CTNND2: variants seen among roughly 807,000 people sequenced by gnomAD.
CTNND2 encodes catenin delta 2.
In CTNND2, 22 loss-of-function variants were observed where a neutral mutation model predicts 144.4. That is an observed-to-expected ratio of 0.15 (90% CI 0.11 to 0.22). CTNND2 has a LOEUF of 0.22. CTNND2 is among the 10% of genes least tolerant of loss of function. CTNND2 has a pLI of 1.00. For missense variants in CTNND2, 1,353 were observed against 1,618.8 expected (o/e 0.84, Z 2.82); for synonymous variants, 751 against 695.6 (o/e 1.08, Z -1.25).
intron 11 of CTNND2, among the ~76,000 whole-genome samples, chr5:11,188,326 CACT>C (rs1196873259): frequency 1.3e-5 from 2 of 152,108 alleles, no homozygotes; most frequent in Non-Finnish European, 2.9e-5. Flanking sequence ...AGCTGGAAGC[CACT>C]ATCCTCAGCA....
At chr5:11,231,225 T>A (rs1740976187) in intron 10 of CTNND2, among the ~76,000 whole-genome samples, 1 of 152,166 alleles carries the variant, frequency 6.6e-6, no homozygotes, top group Non-Finnish European at 1.5e-5. Flanking sequence ...AACCTCTTTT[T>A]TTAATAAATA....
intron 8 of CTNND2, among the ~76,000 whole-genome samples, chr5:11,347,549 C>A (rs1754922621): frequency 6.6e-6 from 1 of 152,144 alleles, no homozygotes; most frequent in Admixed American, 6.5e-5. Context: ...TTGATAGATA[C>A]AATGAAAATA....
chr5:11,780,841 C>G lies in CTNND2; in HGVS notation c.38-48569G>C, dbSNP rs140471302. 1.8e-3 allele frequency among the ~76,000 whole-genome samples: 269 copies of G among 152,216 alleles called. 1 individual carries two copies. The highest frequency in any genetic ancestry group is 6.0e-3 in the African/African-American group (249 of 41,528). On this transcript the variant is annotated intron_variant, in intron 1 of 21. Transcript: ENST00000304623. ...AGGCCAGCCAGCCCTGGGGGAAATCCTGAGCAGTGACACAACAGATGACCC... is the reference window on the plus strand; with the variant it reads ...AGGCCAGCCAGCCCTGGGGGAAATCGTGAGCAGTGACACAACAGATGACCC...
At chr5:11,379,446 C>T (rs1485964669) in intron 7 of CTNND2, among the ~76,000 whole-genome samples, 1 of 152,112 alleles carries the variant, frequency 6.6e-6, no homozygotes, top group Admixed American at 6.6e-5. Context: ...AGGAGGTTAT[C>T]ATCCATAAGC....
At chr5:11,769,409 G>A (rs1249013174) in intron 1 of CTNND2, among the ~76,000 whole-genome samples, 2 of 152,120 alleles carry the variant, frequency 1.3e-5, no homozygotes, top group African/African-American at 4.8e-5. Flanking sequence ...ATTTGTAATT[G>A]CAAAAACTAA....
At chr5:11,642,852 G>C (rs1480738383) in intron 2 of CTNND2, among the ~76,000 whole-genome samples, 1 of 152,154 alleles carries the variant, frequency 6.6e-6, no homozygotes, top group Non-Finnish European at 1.5e-5. Flanking sequence ...TAATTGCCGT[G>C]GTTACTGTGA....
intron 1 of CTNND2, among the ~76,000 whole-genome samples, chr5:11,754,044 G>C (rs371287396): frequency 2.6e-5 from 4 of 151,248 alleles, no homozygotes; most frequent in African/African-American, 9.7e-5. Context: ...ATTTCCAATT[G>C]TGTTTATTGG....
At chr5:11,779,862 T>A (rs1790450529) in intron 1 of CTNND2, among the ~76,000 whole-genome samples, 1 of 152,154 alleles carries the variant, frequency 6.6e-6, no homozygotes, top group Non-Finnish European at 1.5e-5. Flanking sequence ...TTGTCCATTG[T>A]AAGAGTCCAT....
intron 2 of CTNND2, among the ~76,000 whole-genome samples, chr5:11,590,562 T>A (rs1275671369): frequency 6.6e-6 from 1 of 152,098 alleles, no homozygotes; most frequent in African/African-American, 2.4e-5. Context: ...TCCTTGTGAA[T>A]GTACTTTGTA....
intron 3 of CTNND2, among the ~76,000 whole-genome samples, chr5:11,558,411 G>A (rs1432975388): frequency 6.6e-6 from 1 of 150,862 alleles, no homozygotes. Flanking sequence ...TGTTGCCCAG[G>A]CTGGAGTGCA....
chr5:11,262,426 C>T lies in CTNND2; in HGVS notation c.1629-25603G>A, dbSNP rs1744956950. On this transcript the variant is annotated intron_variant, in intron 9 of 21. Coordinates refer to ENST00000304623, the MANE Select transcript of CTNND2 (RefSeq NM_001332.4). Reference sequence around the variant, plus strand: ...ATACTATTTTCTAGACTGGATGTTGCCCAGTTCATGAATCATTAATAAAAG... The same window carrying T: ...ATACTATTTTCTAGACTGGATGTTGTCCAGTTCATGAATCATTAATAAAAG... Among the ~76,000 whole-genome samples the T allele has an allele frequency of 2.0e-5, 3 of 152,080 alleles. No homozygotes were observed. In the South Asian group the frequency reaches 6.2e-4, roughly 32 times the overall value.
At chr5:11,427,760 C>T (rs965868668) in intron 3 of CTNND2, among the ~76,000 whole-genome samples, 1 of 152,134 alleles carries the variant, frequency 6.6e-6, no homozygotes, top group African/African-American at 2.4e-5. Flanking sequence ...CTTCATTCCA[C>T]CCCACTGCCC....
At chr5:11,083,048 T>C (rs1254246014) in intron 15 of CTNND2, among the ~76,000 whole-genome samples, 3 of 152,230 alleles carry the variant, frequency 2.0e-5, no homozygotes, top group African/African-American at 7.2e-5. Context: ...GGGACAAAGA[T>C]TTCAGGGTTA....
intron 14 of CTNND2, among the ~76,000 whole-genome samples, chr5:11,108,208 A>G (rs1489229291): frequency 6.6e-6 from 1 of 152,230 alleles, no homozygotes; most frequent in Non-Finnish European, 1.5e-5. Flanking sequence ...AGGGCCAGGC[A>G]GTGGAACAGC....
Position 11,384,257 on chromosome 5 carries a change from A to G in CTNND2, c.1177+408T>C, listed in dbSNP as rs968019394. ...GAGAAAATCCCTTACTTTTTCCACA[A>G]TGAAATGTAGACAACTAAAGGTGAC... On this transcript the variant is annotated intron_variant, in intron 7 of 21. Coordinates refer to ENST00000304623, the MANE Select transcript of CTNND2 (RefSeq NM_001332.4). This position sits in a 1 kb window ranked among gnomAD's most constrained non-coding sequence, Gnocchi z 5.2. Among the ~76,000 whole-genome samples, 15 of 152,214 alleles carry G rather than the reference A, an allele frequency of 9.9e-5. No individual in the cohort carries two copies. The highest frequency in any genetic ancestry group is 8.5e-4 in the Admixed American group (13 of 15,284).
rs564920291 is a variant in CTNND2, at chr5:11,814,794, A to G, written c.38-82522T>C. Among the ~76,000 whole-genome samples the G allele has an allele frequency of 2.0e-5, 3 of 152,354 alleles. 1 individual carries two copies. The South Asian group carries it at 6.2e-4, about 32-fold the overall frequency. Reference sequence around the variant, plus strand: ...ATAAAATAAAACATCAAATGAAAGGATAGCAGAATAGCAACATATTTCTGG... The same window carrying G: ...ATAAAATAAAACATCAAATGAAAGGGTAGCAGAATAGCAACATATTTCTGG... On this transcript the variant is annotated intron_variant, in intron 1 of 21. Transcript: ENST00000304623.
chr5:11,643,786 G>A (rs1782197563), intron 2 of CTNND2, among the ~76,000 whole-genome samples: 1 of 151,808 alleles, frequency 6.6e-6, no homozygotes, highest in South Asian at 2.1e-4. Flanking sequence ...ATGCACTAAT[G>A]TAATTAAAAA....
rs143679932 is a variant in CTNND2, at chr5:11,117,556, G to A, written c.2171C>T (p.Ser724Leu). 2 of 1,613,886 alleles carry A rather than the reference G, an allele frequency of 1.2e-6. No individual in the cohort carries two copies. The highest frequency in any genetic ancestry group is 1.7e-6 in the Non-Finnish European group (2 of 1,179,788). ...NATGCLRNVS[S>L]AGEEARRRMR... ...CCTTCTGCGGGCCTCCTCTCCGGCC[G>A]AACTAACATTCCTGCAAAGCAAAAG... Residue 724 changes from serine (S) to leucine (L), a missense_variant, in exon 13 of 22, where the codon TCG (serine) becomes TTG (leucine). By Grantham distance (145) the Ser-to-Leu change is moderately radical. Around this residue, in one of 4 missense-constraint regions of CTNND2, gnomAD observed 459 missense variants for 674.3 expected, o/e 0.68. Transcript: ENST00000304623.
At chr5:11,687,167 A>C (rs1163807552) in intron 2 of CTNND2, among the ~76,000 whole-genome samples, 1 of 152,122 alleles carries the variant, frequency 6.6e-6, no homozygotes, top group Non-Finnish European at 1.5e-5. Flanking sequence ...GATTCTCTTC[A>C]ATTTATTCTT....
Sources: gnomAD v4.1 joint callset for allele counts (sites outside exome capture counted in the v4.1 genomes callset) on GRCh38, gnomAD v4.1.1 for gene constraint, gnomAD v4.1.1 regional missense constraint, Gnocchi (gnomAD v3.1) non-coding constraint, MANE v1.5 for transcripts, NCBI Gene and HGNC (gene_info 2026-07-23, HGNC 2026-07-21) for gene names.